Variants in SELENON observed in about 807,000 individuals in gnomAD.
SELENON encodes the protein selenoprotein N, 1.
Under a neutral mutation model 59.5 loss-of-function variants are expected in SELENON, and 44 were observed. The observed-to-expected ratio is 0.74, with a 90% confidence interval of 0.58 to 0.95. The LOEUF (loss-of-function observed/expected upper bound fraction) is 0.95. Ranked by LOEUF, SELENON falls within the 40% of genes least tolerant of loss-of-function variation. The pLI is 0.00. For missense variants in SELENON, 674 were observed against 721.4 expected, an observed-to-expected ratio of 0.93 and a Z score of 0.75; for synonymous variants, 320 against 305.6, an observed-to-expected ratio of 1.05 and a Z score of -0.49.
At chr1:25,815,194 T>C (rs1445688888) in intron 12 of SELENON, among the ~76,000 whole-genome samples, 1 of 146,724 alleles carries the variant, frequency 6.8e-6, no homozygotes, top group East Asian at 2.0e-4. Context: ...AATGTGAGGC[T>C]GCAGTGAGAG....
intron 3 of SELENON, among the ~76,000 whole-genome samples, chr1:25,804,647 C>T (rs1572229676): frequency 1.5e-5 from 1 of 65,896 alleles, no homozygotes; most frequent in Non-Finnish European, 3.3e-5. Flanking sequence ...CCCCCCCGCC[C>T]CCCCCCCCCC....
At chr1:25,808,434 T>C in intron 4 of SELENON, 146 bp from the exon 4 acceptor site, 2 of 864,544 alleles carry the variant, frequency 2.3e-6, no homozygotes, top group Non-Finnish European at 3.8e-6. Flanking sequence ...CTTGTGGCCA[T>C]CATAAGGGCA....
In SELENON at chr1:25,815,533, C is replaced by T. The variant is rs377106616; in HGVS notation, c.1603-15C>T. 1.9e-5 allele frequency: 31 copies of T among 1,613,502 alleles called. No homozygotes were observed. The highest frequency in any genetic ancestry group is 2.1e-5 in the Non-Finnish European group (25 of 1,179,778). ...CCCCCTCCGCCCCACTTGCCTCACC[C>T]GGCCCTTCTCCCAGGTCCATCACAT... On this transcript the variant is annotated splice_polypyrimidine_tract_variant and intron_variant, in intron 12 of 12. Transcript: ENST00000361547.
At chr1:25,803,327 T>C (rs1208607982) in intron 3 of SELENON, among the ~76,000 whole-genome samples, 1 of 152,142 alleles carries the variant, frequency 6.6e-6, no homozygotes, top group East Asian at 1.9e-4. Flanking sequence ...AATTCCCCCA[T>C]TACCTCTAGG....
intron 10 of SELENON, among the ~76,000 whole-genome samples, chr1:25,813,290 C>T (rs567211438): frequency 6.6e-6 from 1 of 152,238 alleles, no homozygotes; most frequent in South Asian, 2.1e-4. Flanking sequence ...AAACAGTGCC[C>T]CACCCTCACC....
rs1446011434 is a variant in SELENON, at chr1:25,814,064, A to G, written c.1501-13A>G. The G allele has an allele frequency of 5.0e-6, 8 of 1,612,774 alleles. No homozygotes were observed. The highest frequency in any genetic ancestry group is 1.1e-5 in the South Asian group (1 of 91,056). On this transcript the variant is annotated splice_polypyrimidine_tract_variant and intron_variant, in intron 11 of 12. Coordinates refer to ENST00000361547, the MANE Select transcript of SELENON (RefSeq NM_020451.3). ...GGGGCCGCGGCATCAGGAGTGTGCA[A>G]CTGTCCCCACAGAACAACCAGGAGA... is the stretch of plus-strand genomic sequence containing the variant.
Position 25,814,194 on chromosome 1 carries a change from C to A in SELENON, c.1602+16C>A. 1 of 1,607,474 alleles carries A rather than the reference C, an allele frequency of 6.2e-7. No individual in the cohort carries two copies. The highest frequency in any genetic ancestry group is 8.5e-7 in the Non-Finnish European group (1 of 1,175,120). On this transcript the variant is annotated intron_variant, in intron 12 of 12. Coordinates refer to ENST00000361547, the MANE Select transcript of SELENON (RefSeq NM_020451.3). ...TGGCACCGTGGTAGGCACCCCCACT[C>A]AGACCCCACAGGGCCCAGGCACCTC...
chr1:25,805,633 ATGATGATTATTTCCCACAC>A (rs2047900229), intron 4 of SELENON, among the ~76,000 whole-genome samples: 1 of 143,780 alleles, frequency 7.0e-6, no homozygotes, highest in African/African-American at 3.0e-5. Context: ...CCCACATACT[ATGATGATTATTTCCCACAC>A]ACTATGATGA....
chr1:25,811,847 C>T lies in SELENON; in HGVS notation c.1249C>T (p.Arg417Cys), dbSNP rs769840172. ...GCTGAGCTGGGAGGAGGCTGCCCGG[C>T]GCCTGGAGGTGGCCATGTACCCCTT... Residue 417 changes from arginine to cysteine, a missense_variant, in exon 9 of 13, where the codon CGC becomes TGC. Coordinates refer to ENST00000361547, the MANE Select transcript of SELENON (RefSeq NM_020451.3). The T allele has an allele frequency of 3.3e-5, 52 of 1,576,484 alleles. No homozygotes were observed. The highest frequency in any genetic ancestry group is 2.0e-4 in the Admixed American group (11 of 54,034).
chr1:25,815,821 T>A lies in SELENON; in HGVS notation c.*103T>A. ...ATGCCGCCCACTCCCACCCCACTCC[T>A]AGGCTGCCTTGGAGGGTACAAGATC... On this transcript the variant is annotated 3_prime_UTR_variant, in exon 13 of 13. Transcript: ENST00000361547. The A allele has an allele frequency of 4.0e-6, 5 of 1,244,904 alleles. No homozygotes were observed. Among genetic ancestry groups the A allele is most frequent in the Non-Finnish European group, 5.7e-6 (5 of 872,616 alleles). 77.1% of individuals were successfully genotyped at this position (1,244,904 alleles called of 1,614,324 possible). A position where few individuals can be genotyped will look rare whatever the true frequency, so the allele number is the denominator to read the frequency against.
rs199742668 is a variant in SELENON, at chr1:25,808,592, G to C, written c.550G>C (p.Ala184Pro). ...TCCCCCGCCCCAGGTCTCCCGCCTCGCCCTGTCCGGCCTCCGAAACTGGAC... is the reference window on the plus strand; with the variant it reads ...TCCCCCGCCCCAGGTCTCCCGCCTCCCCCTGTCCGGCCTCCGAAACTGGAC... The change falls in exon 5 of 13, where the codon GCC (alanine) becomes CCC (proline). Residue 184 changes from alanine to proline, a missense_variant. Physicochemically the swap from Ala to Pro is conservative, Grantham distance 27. Transcript: ENST00000361547. The C allele has an allele frequency of 4.9e-4, 791 of 1,613,288 alleles. 2 individuals are homozygous for C. The African/African-American group carries it at 9.2e-3, about 19-fold the overall frequency.
chr1:25,803,562 G>A (rs951604178), intron 3 of SELENON, among the ~76,000 whole-genome samples: 1 of 152,142 alleles, frequency 6.6e-6, no homozygotes, highest in Non-Finnish European at 1.5e-5. Flanking sequence ...GTAAAATGCT[G>A]AGTAGTAGTA....
chr1:25,813,678 C>A lies in SELENON; in HGVS notation c.1388-203C>A, dbSNP rs200465981. 8.2e-4 allele frequency: 524 copies of A among 642,340 alleles called. 4 individuals are homozygous for A. The highest frequency in any genetic ancestry group is 7.8e-4 in the Admixed American group (36 of 46,264). 39.8% of individuals were successfully genotyped at this position (642,340 alleles called of 1,614,324 possible). On this transcript the variant is annotated intron_variant, in intron 10 of 12. Coordinates refer to ENST00000361547, the MANE Select transcript of SELENON (RefSeq NM_020451.3). ...CCCAGGGCCAGGTAGAACCCCTAAC[C>A]CTAATCTCAGCCCAGGATGCTGGTA...
Position 25,815,581 on chromosome 1 carries a change from A to G in SELENON, c.1636A>G (p.Ile546Val), listed in dbSNP as rs749237378. ...CATCAATGCCAACTACTTCTTGGACATCACCTCCGTGAAGCCCGAGGAAAT... is the reference window on the plus strand; with the variant it reads ...CATCAATGCCAACTACTTCTTGGACGTCACCTCCGTGAAGCCCGAGGAAAT... The change falls in exon 13 of 13, where the codon ATC becomes GTC. Residue 546 changes from isoleucine to valine, a missense_variant. Physicochemically the swap from Ile to Val is conservative, Grantham distance 29. Coordinates refer to ENST00000361547, the MANE Select transcript of SELENON (RefSeq NM_020451.3). 144 of 1,614,042 alleles carry G rather than the reference A, an allele frequency of 8.9e-5. No individual in the cohort carries two copies. Among genetic ancestry groups the G allele is most frequent in the Non-Finnish European group, 1.2e-4 (139 of 1,180,024 alleles).
chr1:25,807,723 TTCC>T lies in SELENON; in HGVS notation c.538-852_538-850del, dbSNP rs774356730. On this transcript the variant is annotated intron_variant, in intron 4 of 12. Transcript: ENST00000361547. The surrounding 1 kb of genome is among the most constrained non-coding windows in gnomAD (Gnocchi z 4.5). ...TCTCTGTGGGAGCTCCCTGCCTGCT[TTCC>T]TCCTACCTCCCACCAAGCCTGAGCT... 1.2e-4 allele frequency among the ~76,000 whole-genome samples: 18 copies of T among 152,090 alleles called. No homozygotes were observed. Among genetic ancestry groups the T allele is most frequent in the Admixed American group, 9.8e-4 (15 of 15,276 alleles).
intron 9 of SELENON, among the ~76,000 whole-genome samples, 170 bp downstream of exon 8, chr1:25,812,049 C>T (rs1036950910): frequency 6.6e-6 from 1 of 152,224 alleles, no homozygotes; most frequent in Admixed American, 6.5e-5. Context: ...CCATTCAGAA[C>T]TTGGAGGAAG....
rs555967234 is a variant in SELENON at position 25,815,727 on chromosome 1, G to A, written c.*9G>A. The A allele has an allele frequency of 5.0e-6, 8 of 1,613,396 alleles. No homozygotes were observed. In the South Asian group the frequency reaches 8.8e-5, roughly 18 times the overall value. On this transcript the variant is annotated 3_prime_UTR_variant, in exon 13 of 13. Transcript: ENST00000361547. ...CCCTCCTCCAGCCCTAGAGTGCCTG[G>A]ACGGGATCTGATGCACAGGCCCCCA... is the stretch of plus-strand genomic sequence containing the variant.
Position 25,800,214 on chromosome 1 carries a change from C to A in SELENON, c.-17C>A. Reference sequence around the variant, plus strand: ...TTTCGCTTCCCGGGCCGCCGGCAGCCGCCGCCAGCCGCAGCCATGGGCCGG... The same window carrying A: ...TTTCGCTTCCCGGGCCGCCGGCAGCAGCCGCCAGCCGCAGCCATGGGCCGG... On this transcript the variant is annotated 5_prime_UTR_variant, in exon 1 of 13. Transcript: ENST00000361547. 1.6e-6 allele frequency: 1 copy of A among 641,302 alleles called. No homozygotes were observed. The highest frequency in any genetic ancestry group is 6.6e-5 in the South Asian group (1 of 15,078). The allele number at this position is 641,302 out of a possible 1,614,324, so 39.7% of individuals were successfully genotyped here.
intron 7 of SELENON, 67 bp from the exon 7 acceptor site, chr1:25,811,387 T>C (rs1178773722): frequency 2.3e-6 from 3 of 1,332,732 alleles, no homozygotes; most frequent in Admixed American, 1.7e-5. Flanking sequence ...GCAGGTATTA[T>C]GTGAGATAAA....
Sources: gnomAD v4.1 joint callset for allele counts (sites outside exome capture counted in the v4.1 genomes callset) on GRCh38, gnomAD v4.1.1 for gene constraint, Gnocchi (gnomAD v3.1) non-coding constraint, MANE v1.5 for transcripts, NCBI Gene and HGNC (gene_info 2026-07-23, HGNC 2026-07-21) for gene names.